Variants in CLOCK observed in about 807,000 individuals in gnomAD.
CLOCK encodes clock circadian regulator.
Under a neutral mutation model 118.4 loss-of-function variants are expected in CLOCK, and 43 were observed. The ratio of observed to expected loss-of-function variants is 0.36; its 90% CI spans 0.28 to 0.47. CLOCK has a LOEUF of 0.47. CLOCK is among the 20% of genes least tolerant of loss of function. The pLI, the probability that CLOCK is intolerant of heterozygous loss-of-function variation, is 1.00. For missense variants in CLOCK, 846 were observed against 999.9 expected, an observed-to-expected ratio of 0.85 and a Z score of 2.08; for synonymous variants, 326 against 339.2, an observed-to-expected ratio of 0.96 and a Z score of 0.43.
intron 3 of CLOCK, among the ~76,000 whole-genome samples, chr4:55,488,829 A>C (rs1727482480): frequency 6.6e-6 from 1 of 152,028 alleles, no homozygotes; most frequent in Non-Finnish European, 1.5e-5. Flanking sequence ...TCAACCTCCT[A>C]GGCTCAAGTC....
chr4:55,522,616 A>C (rs75045814), intron 1 of CLOCK, among the ~76,000 whole-genome samples: 4,115 of 152,258 alleles, frequency 0.027, 195 homozygotes, highest in African/African-American at 0.094. Flanking sequence ...CTACCCCTTA[A>C]GGAACAGTAA....
chr4:55,538,380 C>T (rs1380247284), intron 1 of CLOCK, among the ~76,000 whole-genome samples: 1 of 152,094 alleles, frequency 6.6e-6, no homozygotes, highest in East Asian at 1.9e-4. Context: ...TTCAAGAGAA[C>T]TGGAGTCTAT....
At position 55,438,431 on chromosome 4, in the gene CLOCK, ATGCAGTCAC is replaced by A. The variant is rs1238418312; in HGVS notation, c.2203_2211del (p.Val735_Ala737del). ...TGCTGTTGTGTAGCAAAAGTAGGAT[ATGCAGTCAC>A]CACCTGGCCCATAAGCATAGTACTA... On this transcript the variant is annotated inframe_deletion, in exon 22 of 23. Coordinates refer to ENST00000513440, the MANE Select transcript of CLOCK (RefSeq NM_004898.4). The A allele has an allele frequency of 6.2e-7, 1 of 1,613,910 alleles. No individual in the cohort carries two copies.
At chr4:55,464,187 CTAAA>C (rs1197052162) in intron 8 of CLOCK, among the ~76,000 whole-genome samples, 2 of 152,172 alleles carry the variant, frequency 1.3e-5, no homozygotes, top group Non-Finnish European at 2.9e-5. Flanking sequence ...TATGCACAAG[CTAAA>C]TAAAGAGGAG....
intron 7 of CLOCK, among the ~76,000 whole-genome samples, chr4:55,472,202 T>C (rs1158981966): frequency 6.6e-6 from 1 of 152,046 alleles, no homozygotes; most frequent in Non-Finnish European, 1.5e-5. Flanking sequence ...TAAAATGAGA[T>C]AAAGAATAAG....
chr4:55,538,507 G>A (rs1244007148), intron 1 of CLOCK, among the ~76,000 whole-genome samples: 1 of 152,102 alleles, frequency 6.6e-6, no homozygotes, highest in East Asian at 1.9e-4. Flanking sequence ...CATACTGGAA[G>A]GCAGGTCGAT....
chr4:55,516,176 T>C lies in CLOCK; in HGVS notation c.-289-6111A>G, dbSNP rs577959602. On this transcript the variant is annotated intron_variant, in intron 1 of 22. Transcript: ENST00000513440. ...CTTGAGAAGAATGTGTATTGTGCTG[T>C]TGTTGGATGAAGTAGTCTATAGATG... 5.3e-4 allele frequency among the ~76,000 whole-genome samples: 80 copies of C among 152,310 alleles called. 1 individual carries two copies. The highest frequency in any genetic ancestry group is 5.0e-3 in the Admixed American group (77 of 15,296).
At position 55,433,358 on chromosome 4, in the gene CLOCK, T is replaced by C. The variant is rs1223626294; in HGVS notation, c.*2057A>G. The C allele has an allele frequency of 3.3e-5, 5 of 152,666 alleles. No homozygotes were observed. Among genetic ancestry groups the C allele is most frequent in the East Asian group, 1.9e-4 (1 of 5,194 alleles). 9.5% of individuals were successfully genotyped at this position (152,666 alleles called of 1,614,324 possible). A position where few individuals can be genotyped will look rare whatever the true frequency, so the allele number is the denominator to read the frequency against. On this transcript the variant is annotated 3_prime_UTR_variant, in exon 23 of 23. Transcript: ENST00000513440. ...TAGAAGGGTAAGTACCAATTTTCTT[T>C]GGTTGTTTTCTTTTTCAACATTAAT...
chr4:55,450,136 G>A lies in CLOCK; in HGVS notation c.1303C>T (p.Arg435Trp), dbSNP rs1336327332. 9 of 1,614,068 alleles carry A rather than the reference G, an allele frequency of 5.6e-6. No homozygotes were observed. Among genetic ancestry groups the A allele is most frequent in the East Asian group, 4.5e-5 (2 of 44,852 alleles). The change falls in exon 16 of 23, where the codon CGG (arginine) becomes TGG (tryptophan). Residue 435 changes from arginine (R) to tryptophan (W), a missense_variant. Around this residue, in one of 4 missense-constraint regions of CLOCK, gnomAD observed 520 missense variants for 558.0 expected, o/e 0.93. Transcript: ENST00000513440. Reference sequence around the variant, plus strand: ...GTGTGAGATGATTTTCTTGAACTCCGAGAAGAGGCAGAAGGGGTTGGGCTG... The same window carrying A: ...GTGTGAGATGATTTTCTTGAACTCCAAGAAGAGGCAGAAGGGGTTGGGCTG... Reference protein sequence around the residue: ...DHSPTPSASSRSSRKSSHTAV... With the variant: ...DHSPTPSASSWSSRKSSHTAV...
rs111769056 is a variant in CLOCK at position 55,462,811 on chromosome 4, C to A, written c.559+874G>T. Among the ~76,000 whole-genome samples the A allele has an allele frequency of 5.6e-4, 84 of 151,074 alleles. 1 individual carries two copies. The highest frequency in any genetic ancestry group is 7.2e-4 in the Non-Finnish European group (49 of 67,894). On this transcript the variant is annotated intron_variant, in intron 9 of 22. Transcript: ENST00000513440. ...TTCTCAACTCTCGCTGAAAGGCCAT[C>A]CACTCTTACCAAAGTTATAGATACA...
intron 7 of CLOCK, 143 bp downstream of exon 7, chr4:55,475,820 A>C (rs1726473215): frequency 1.5e-6 from 1 of 651,860 alleles, no homozygotes; most frequent in Non-Finnish European, 2.8e-6. Context: ...AATTCATGTG[A>C]CTCATTTTAC....
chr4:55,533,439 T>C (rs556221698), intron 1 of CLOCK, among the ~76,000 whole-genome samples: 4 of 152,336 alleles, frequency 2.6e-5, no homozygotes, highest in South Asian at 2.1e-4. Flanking sequence ...AGCCAAAATA[T>C]GATATTACTA....
rs35261810 is a variant in CLOCK, at chr4:55,428,973, CTTTTTTTTTTTT to C, written c.*6430_*6441del. The C allele has an allele frequency of 1.0e-4, 13 of 125,728 alleles. No homozygotes were observed. Among genetic ancestry groups the C allele is most frequent in the Non-Finnish European group, 2.1e-4 (13 of 60,864 alleles). The allele number at this position is 125,728 out of a possible 1,614,324, so 7.8% of individuals were successfully genotyped here. On this transcript the variant is annotated 3_prime_UTR_variant, in exon 23 of 23. Coordinates refer to ENST00000513440, the MANE Select transcript of CLOCK (RefSeq NM_004898.4). ...ATGGTAACTGTTCTGGCTGACACAT[CTTTTTTTTTTTT>C]TTTTTTTTTAAAAAGACATTTCCTG...
rs1331742279 is a variant in CLOCK at position 55,431,208 on chromosome 4, C to G, written c.*4207G>C. On this transcript the variant is annotated 3_prime_UTR_variant, in exon 23 of 23. Transcript: ENST00000513440. ...GGATCCCCAGGCATGAGAGTTGGGT[C>G]TTCTCACCTGTCTCATAAAGCAGCA... 1 of 152,060 alleles carries G rather than the reference C, an allele frequency of 6.6e-6. No homozygotes were observed. The highest frequency in any genetic ancestry group is 1.9e-4 in the East Asian group (1 of 5,200). The allele number at this position is 152,060 out of a possible 1,614,324, so 9.4% of individuals were successfully genotyped here.
chr4:55,441,319 G>C (rs149712312), intron 21 of CLOCK, among the ~76,000 whole-genome samples: 2 of 152,290 alleles, frequency 1.3e-5, no homozygotes, highest in African/African-American at 4.8e-5. Flanking sequence ...TGGTGGGAAC[G>C]TGAGATTTCT....
At chr4:55,513,560 G>T (rs1302939281) in intron 1 of CLOCK, among the ~76,000 whole-genome samples, 2 of 152,096 alleles carry the variant, frequency 1.3e-5, no homozygotes, top group Non-Finnish European at 2.9e-5. Flanking sequence ...TAGTTGTAAA[G>T]TAAGTCTTGA....
intron 1 of CLOCK, among the ~76,000 whole-genome samples, chr4:55,532,874 G>A (rs184548479): frequency 1.9e-3 from 292 of 152,014 alleles, no homozygotes; most frequent in Admixed American, 4.9e-3. Flanking sequence ...GGGTCGGGGG[G>A]GTAGTGTGGA....
intron 19 of CLOCK, among the ~76,000 whole-genome samples, chr4:55,444,305 G>A (rs1723607869): frequency 1.3e-5 from 2 of 152,060 alleles, no homozygotes; most frequent in African/African-American, 4.8e-5. Flanking sequence ...TATTACTGAT[G>A]ATTGATTTAT....
At chr4:55,459,813 C>A (rs937803349) in intron 9 of CLOCK, among the ~76,000 whole-genome samples, 1 of 152,140 alleles carries the variant, frequency 6.6e-6, no homozygotes, top group Non-Finnish European at 1.5e-5. Context: ...CAGGTGTGAG[C>A]CACCATGCCT....
Sources: allele counts gnomAD v4.1 joint callset (sites outside exome capture counted in the v4.1 genomes callset), GRCh38; gene constraint gnomAD v4.1.1; regional missense constraint gnomAD v4.1.1; transcripts MANE v1.5; gene names NCBI Gene and HGNC (gene_info 2026-07-23, HGNC 2026-07-21).